TMLHE: variants seen among roughly 807,000 people sequenced by gnomAD.
TMLHE encodes the protein trimethyllysine hydroxylase, epsilon.
Under a neutral mutation model 25.7 loss-of-function variants are expected in TMLHE, and 18 were observed. The ratio of observed to expected loss-of-function variants is 0.70; its 90% confidence interval spans 0.48 to 1.04. The LOEUF is 1.04. Ranked by LOEUF, TMLHE falls within the 50% of genes least tolerant of loss-of-function variation. The probability of loss-of-function intolerance (pLI) is 0.00; values close to 1 mark genes in which losing one functional copy is unlikely to be tolerated. For missense variants in TMLHE, 236 were observed against 259.0 expected, an observed-to-expected ratio of 0.91 and a Z score of 0.61; for synonymous variants, 105 against 97.0, an observed-to-expected ratio of 1.08 and a Z score of -0.49.
At chrX:155,597,915 T>C (rs1257135467) in intron 1 of TMLHE, among the ~76,000 whole-genome samples, 4 of 111,229 alleles carry the variant, frequency 3.6e-5, no homozygotes, top group Non-Finnish European at 7.5e-5. Context: ...GATGCCATCA[T>C]TGTTATAGAA....
chrX:155,587,641 C>A (rs1264827874), intron 1 of TMLHE, among the ~76,000 whole-genome samples: 1 of 111,933 alleles, frequency 8.9e-6, no homozygotes, highest in Non-Finnish European at 1.9e-5. Flanking sequence ...AAAACTCCTA[C>A]ATTTGATAAA....
chrX:155,524,023 T>A (rs1282557187), intron 3 of TMLHE, among the ~76,000 whole-genome samples: 2 of 112,349 alleles, frequency 1.8e-5, no homozygotes, highest in Admixed American at 1.9e-4. Flanking sequence ...TGAACTCATT[T>A]ATTAGTTTTC....
chrX:155,608,968 G>C (rs2067803581), intron 1 of TMLHE, among the ~76,000 whole-genome samples: 1 of 111,959 alleles, frequency 8.9e-6, no homozygotes, highest in Non-Finnish European at 1.9e-5. Context: ...AGCCACTGTG[G>C]GAAGCAGTTT....
At position 155,507,067 on chromosome X, in the gene TMLHE, A is replaced by T. The variant is rs782532251; in HGVS notation, c.826T>A (p.Tyr276Asn). ...TTTTGAAGTACCTGTTCTGCTGCAT[A>T]GAATCCATCTACTAGCAGTGTCCTG... ...GGRTLLVDGFYAAEQVLQKAP... is the reference protein window; with the variant it reads ...GGRTLLVDGFNAAEQVLQKAP... The change falls in exon 6 of 8, where the codon TAT (tyrosine) becomes AAT (asparagine). Residue 276 changes from tyrosine (Y) to asparagine (N), a missense_variant. Tyr to Asn is a moderately radical substitution (Grantham distance 143, BLOSUM62 -2). Transcript: ENST00000334398. The T allele has an allele frequency of 1.7e-5, 21 of 1,210,534 alleles. No homozygotes were observed. In the South Asian group the frequency reaches 3.5e-4, roughly 20 times the overall value.
intron 1 of TMLHE, among the ~76,000 whole-genome samples, chrX:155,556,680 A>C (rs1225828960): frequency 2.7e-5 from 3 of 110,144 alleles, no homozygotes; most frequent in Admixed American, 9.7e-5. Flanking sequence ...TTTGGGCACC[A>C]CTGTCGTTGA....
intron 1 of TMLHE, among the ~76,000 whole-genome samples, chrX:155,547,769 C>A (rs1368312263): frequency 9.1e-6 from 1 of 109,830 alleles, no homozygotes; most frequent in Non-Finnish European, 1.9e-5. Context: ...TCCACACAAC[C>A]CTGAAATATA....
In TMLHE at chrX:155,571,489, C is replaced by A. The variant is rs1275707430; in HGVS notation, c.-1-26212G>T. Among the ~76,000 whole-genome samples, 28 of 54,065 alleles carry A rather than the reference C, an allele frequency of 5.2e-4. 8 individuals are homozygous for A. Among genetic ancestry groups the A allele is most frequent in the African/African-American group, 1.0e-3 (23 of 22,392 alleles). 46.9% of individuals were successfully genotyped at this position (54,065 alleles called of 115,157 possible). On this transcript the variant is annotated intron_variant, in intron 1 of 7. Transcript: ENST00000334398. ...ATCCTCCCTAACTCATTTTATGAGG[C>A]CAGCATCATCCTGATACCAAAGCCG...
chrX:155,540,192 AAC>A (rs1474646321), intron 2 of TMLHE, among the ~76,000 whole-genome samples: 1 of 110,405 alleles, frequency 9.1e-6, no homozygotes, highest in Non-Finnish European at 1.9e-5. Context: ...AATTTGAATA[AAC>A]AAACAACTCC....
chrX:155,584,301 C>T (rs1367973944), intron 1 of TMLHE, among the ~76,000 whole-genome samples: 3 of 107,613 alleles, frequency 2.8e-5, no homozygotes, highest in Non-Finnish European at 5.8e-5. Flanking sequence ...TGAAATAATC[C>T]AGTCAGAAAA....
intron 1 of TMLHE, among the ~76,000 whole-genome samples, chrX:155,552,108 C>G (rs1446568842): frequency 9.1e-6 from 1 of 109,825 alleles, no homozygotes; most frequent in Non-Finnish European, 1.9e-5. Flanking sequence ...GGTATATTAT[C>G]CTTTTAATAC....
intron 1 of TMLHE, among the ~76,000 whole-genome samples, chrX:155,583,566 A>T (rs1448139553): frequency 9.1e-6 from 1 of 110,362 alleles, no homozygotes; most frequent in Non-Finnish European, 1.9e-5. Context: ...AATTAACCTG[A>T]ATGTCCGTTA....
At chrX:155,587,782 G>A (rs915554568) in intron 1 of TMLHE, among the ~76,000 whole-genome samples, 8 of 111,562 alleles carry the variant, frequency 7.2e-5, no homozygotes, top group Admixed American at 9.6e-5. Context: ...AAATACTTGG[G>A]AATAAATTTA....
intron 2 of TMLHE, among the ~76,000 whole-genome samples, chrX:155,525,620 C>T (rs950902228): frequency 1.4e-4 from 16 of 111,669 alleles, no homozygotes; most frequent in African/African-American, 2.0e-4. Flanking sequence ...GACAGAAAGG[C>T]GAGGGAAATT....
At chrX:155,533,064 C>A (rs2067258293) in intron 2 of TMLHE, among the ~76,000 whole-genome samples, 1 of 111,573 alleles carries the variant, frequency 9.0e-6, no homozygotes, top group Admixed American at 9.5e-5. Context: ...GCATTTAAAT[C>A]AATAGACTGA....
intron 1 of TMLHE, among the ~76,000 whole-genome samples, chrX:155,607,595 A>G (rs2067794131): frequency 9.0e-6 from 1 of 111,725 alleles, no homozygotes; most frequent in Non-Finnish European, 1.9e-5. Flanking sequence ...AAGGCATCCA[A>G]ATAGGAAGAA....
intron 3 of TMLHE, 62 bp downstream of exon 3, chrX:155,524,394 C>T (rs1557336164): frequency 4.2e-6 from 4 of 961,976 alleles, no homozygotes; most frequent in Non-Finnish European, 5.4e-6. Flanking sequence ...AACCATTTTC[C>T]ACAAAATAAC....
intron 1 of TMLHE, among the ~76,000 whole-genome samples, chrX:155,579,692 C>T (rs1006172503): frequency 7.2e-5 from 8 of 111,190 alleles, no homozygotes; most frequent in African/African-American, 2.6e-4. Context: ...CCACCTCTAG[C>T]AGTCCCCAGT....
intron 1 of TMLHE, among the ~76,000 whole-genome samples, chrX:155,549,715 T>C (rs1457363871): frequency 9.1e-6 from 1 of 110,215 alleles, no homozygotes; most frequent in Non-Finnish European, 1.9e-5. Flanking sequence ...TCAGGTATTT[T>C]ATCAGATTTA....
At chrX:155,549,492 G>C (rs868959009) in intron 1 of TMLHE, among the ~76,000 whole-genome samples, 8 of 109,641 alleles carry the variant, frequency 7.3e-5, no homozygotes, top group Non-Finnish European at 1.3e-4. Flanking sequence ...TTTATGGCTT[G>C]TTGCTTTATT....
Sources: allele counts gnomAD v4.1 joint callset (sites outside exome capture counted in the v4.1 genomes callset), GRCh38; gene constraint gnomAD v4.1.1; transcripts MANE v1.5; gene names NCBI Gene and HGNC (gene_info 2026-07-23, HGNC 2026-07-21).